The following USP34 variants were observed in gnomAD, a reference collection of about 807,000 sequenced individuals.
USP34 encodes the protein ubiquitin specific peptidase 34.
A neutral mutation model predicts 460.3 loss-of-function variants in USP34; 70 were observed. That is an observed-to-expected ratio of 0.15 (90% CI 0.13 to 0.19). The LOEUF (loss-of-function observed/expected upper bound fraction) is 0.19. Ranked by LOEUF, USP34 falls within the 10% of genes least tolerant of loss-of-function variation. The pLI is 1.00. For missense variants in USP34, 3,985 were observed against 4,236.2 expected (o/e 0.94, Z 1.65); for synonymous variants, 1,647 against 1,405.3 (o/e 1.17, Z -3.85).
At chr2:61,207,180 T>G (rs1687143547) in intron 70 of USP34, 1 of 213,226 alleles carries the variant, frequency 4.7e-6, no homozygotes, top group Admixed American at 5.8e-5. Flanking sequence ...TCTTCAAAAT[T>G]ACAAAGCAGT....
At chr2:61,304,835 T>A (rs573296379) in intron 27 of USP34, among the ~76,000 whole-genome samples, 25 of 152,306 alleles carry the variant, frequency 1.6e-4, no homozygotes, top group African/African-American at 5.8e-4. Context: ...CTTTCTATCT[T>A]TTACTACTTT....
At chr2:61,289,014 C>T (rs921814432) in intron 33 of USP34, 137 bp from the exon 34 acceptor site, 2 of 858,756 alleles carry the variant, frequency 2.3e-6, no homozygotes, top group African/African-American at 1.7e-5. Context: ...AATTCTGCTG[C>T]TCAAATATTA....
rs1284776897 is a variant in USP34, at chr2:61,432,924, A to G, written c.44-12091T>C. Among the ~76,000 whole-genome samples the G allele has an allele frequency of 3.3e-5, 5 of 152,216 alleles. No individual in the cohort carries two copies. In the East Asian group the frequency reaches 9.6e-4, roughly 29 times the overall value. On this transcript the variant is annotated intron_variant, in intron 1 of 79. Coordinates refer to ENST00000398571, the MANE Select transcript of USP34 (RefSeq NM_014709.4). ...AAACAAGGGTGAAAATAAGAGAACAATAAAACAGAAGATTAAGATATTAGT... is the reference window on the plus strand; with the variant it reads ...AAACAAGGGTGAAAATAAGAGAACAGTAAAACAGAAGATTAAGATATTAGT...
At chr2:61,249,022 G>T (rs1297749213) in intron 48 of USP34, among the ~76,000 whole-genome samples, 2 of 152,030 alleles carry the variant, frequency 1.3e-5, no homozygotes, top group South Asian at 2.1e-4. Context: ...CAACCTCATC[G>T]TATGTTTTCT....
intron 32 of USP34, 99 bp from the exon 33 acceptor site, chr2:61,293,649 T>C: frequency 1.3e-6 from 1 of 781,506 alleles, no homozygotes. Context: ...ATTACGTATC[T>C]TTTATTTACA....
intron 48 of USP34, among the ~76,000 whole-genome samples, chr2:61,249,146 G>A (rs1390244244): frequency 2.6e-5 from 4 of 152,156 alleles, no homozygotes; most frequent in Admixed American, 2.0e-4. Flanking sequence ...ACAGATTTTA[G>A]CAACCTCATC....
chr2:61,228,866 A>T lies in USP34; in HGVS notation c.7329T>A (p.Phe2443Leu), dbSNP rs1381505158. The T allele has an allele frequency of 1.2e-6, 2 of 1,604,620 alleles. No homozygotes were observed. Among genetic ancestry groups the T allele is most frequent in the Non-Finnish European group, 8.5e-7 (1 of 1,175,566 alleles). The change falls in exon 60 of 80, where the codon TTT becomes TTA. Residue 2443 changes from phenylalanine to leucine, a missense_variant. Around this residue, in one of 14 missense-constraint regions of USP34, gnomAD observed 604 missense variants for 684.8 expected, o/e 0.88. Transcript: ENST00000398571. ...KPHSKHLTEY[F>L]AFLYEFAKMG... ...TTTTTGCAAATTCGTAAAGGAAGGC[A>T]AAATACTCTGTAAGATGTTTACTGT...
At chr2:61,218,583 T>C (rs1007880755) in intron 67 of USP34, among the ~76,000 whole-genome samples, 6 of 151,784 alleles carry the variant, frequency 4.0e-5, no homozygotes, top group Non-Finnish European at 5.9e-5. Flanking sequence ...TCCTTTTTTT[T>C]CCTTCCAGGA....
At position 61,339,646 on chromosome 2, in the gene USP34, C is replaced by A. The variant is rs1423153145; in HGVS notation, c.2536G>T (p.Ala846Ser). The part of the protein sequence containing the change: ...VVHKHQFNSN[A>S]VTDINLDNVC... Reference sequence around the variant, plus strand: ...TTATCCAAATTAATGTCTGTAACAGCATTACTGTTGAATTGATGTTTATGA... The same window carrying A: ...TTATCCAAATTAATGTCTGTAACAGAATTACTGTTGAATTGATGTTTATGA... Residue 846 changes from alanine to serine, a missense_variant, in exon 17 of 80, where the codon GCT (alanine) becomes TCT (serine). Ala to Ser is a moderately conservative substitution (Grantham distance 99). Coordinates refer to ENST00000398571, the MANE Select transcript of USP34 (RefSeq NM_014709.4). 1 of 1,552,932 alleles carries A rather than the reference C, an allele frequency of 6.4e-7. No homozygotes were observed. The highest frequency in any genetic ancestry group is 8.6e-7 in the Non-Finnish European group (1 of 1,157,506).
In USP34 at chr2:61,394,875, G is replaced by A. The variant is rs748796993; in HGVS notation, c.731C>T (p.Ala244Val). The change falls in exon 5 of 80, where the codon GCG becomes GTG. Residue 244 changes from alanine to valine, a missense_variant. Transcript: ENST00000398571. ...PETLPFLIAHAFITVVSNIRI... is the reference protein window; with the variant it reads ...PETLPFLIAHVFITVVSNIRI... ...TACATTAGACACAACTGTAATAAAC[G>A]CATGTGCTATAAGAAATGGCAAAGT... 3 of 1,589,384 alleles carry A rather than the reference G, an allele frequency of 1.9e-6. No homozygotes were observed. Among genetic ancestry groups the A allele is most frequent in the South Asian group, 1.2e-5 (1 of 85,338 alleles).
Position 61,188,113 on chromosome 2 carries a change from C to T in USP34, c.10630G>A (p.Ala3544Thr), listed in dbSNP as rs750494102. The change falls in exon 80 of 80, where the codon GCT (alanine) becomes ACT (threonine). Residue 3544 changes from alanine to threonine, a missense_variant. Physicochemically the swap from Ala to Thr is moderately conservative, Grantham distance 58 (BLOSUM62 0). This residue lies in a region of USP34 where 506 missense variants were observed against 439.0 expected (regional missense o/e 1.15). Transcript: ENST00000398571. The part of the protein sequence containing the change: ...VTRISGKGNQ[A>T]AS ...TGCTACACCTAATGTCAAGAAGCAG[C>T]TTGGTTTCCTTTGCCAGATATCCTT... 3.7e-6 allele frequency: 6 copies of T among 1,612,270 alleles called. No individual in the cohort carries two copies. In the Admixed American group the frequency reaches 1.0e-4, roughly 27 times the overall value.
At chr2:61,463,835 A>C (rs1306600662) in intron 1 of USP34, among the ~76,000 whole-genome samples, 3 of 135,916 alleles carry the variant, frequency 2.2e-5, no homozygotes, top group Non-Finnish European at 4.6e-5. Context: ...ATTCCTTTTC[A>C]AAAAAAAAAA....
rs372151309 is a variant in USP34 at position 61,192,913 on chromosome 2, T to G, written c.9576A>C (p.Leu3192=). The change falls in exon 76 of 80, where the codon CTA becomes CTC. Residue 3192 remains leucine (L), a synonymous_variant. Coordinates refer to ENST00000398571, the MANE Select transcript of USP34 (RefSeq NM_014709.4). The part of the protein sequence containing the change: ...LALFPKLWTE[L]CQTQSAMSKN... ...TCATTTTCTTTACCTGAGTCTGGCA[T>G]AGCTCAGTCCAAAGTTTGGGGAACA... 123 of 1,613,692 alleles carry G rather than the reference T, an allele frequency of 7.6e-5. No individual in the cohort carries two copies. Among genetic ancestry groups the G allele is most frequent in the Middle Eastern group, 4.9e-4 (3 of 6,080 alleles).
At chr2:61,253,402 C>G (rs1427807234) in intron 48 of USP34, among the ~76,000 whole-genome samples, 1 of 152,170 alleles carries the variant, frequency 6.6e-6, no homozygotes, top group African/African-American at 2.4e-5. Flanking sequence ...TTGACTGACT[C>G]CATTTTATAT....
chr2:61,237,216 C>A (rs1346069045), intron 53 of USP34, among the ~76,000 whole-genome samples: 2 of 152,118 alleles, frequency 1.3e-5, no homozygotes, highest in Non-Finnish European at 2.9e-5. Flanking sequence ...TTCTATTAAG[C>A]TGTAGCCCCT....
In USP34 at chr2:61,211,544, G is replaced by GAAGGGTAGAA. The variant is rs1464016023; in HGVS notation, c.8840+227_8840+228insTTCTACCCTT. Among the ~76,000 whole-genome samples the GAAGGGTAGAA allele has an allele frequency of 2.0e-5, 3 of 152,294 alleles. No individual in the cohort carries two copies. The South Asian group carries it at 6.2e-4, about 32-fold the overall frequency. ...AAGACTATTCAAGCTTTGGGTAGAA[G>GAAGGGTAGAA]GCTATACATAAAGGTTCCCTTCAAC... On this transcript the variant is annotated intron_variant, in intron 69 of 79. Coordinates refer to ENST00000398571, the MANE Select transcript of USP34 (RefSeq NM_014709.4).
chr2:61,347,583 A>G (rs1691810185), intron 15 of USP34, among the ~76,000 whole-genome samples: 1 of 152,146 alleles, frequency 6.6e-6, no homozygotes, highest in South Asian at 2.1e-4. Flanking sequence ...CATGTTGTTC[A>G]GGCTGGTCTC....
At chr2:61,208,045 C>A (rs1473006240) in intron 70 of USP34, 1 of 152,308 alleles carries the variant, frequency 6.6e-6, no homozygotes, top group Non-Finnish European at 1.5e-5. Flanking sequence ...TTATAGGAAG[C>A]ATAAACAGCT....
intron 66 of USP34, among the ~76,000 whole-genome samples, chr2:61,220,725 T>C (rs1205547712): frequency 6.6e-6 from 1 of 152,212 alleles, no homozygotes; most frequent in East Asian, 1.9e-4. Context: ...CCATAACTTC[T>C]AGGTCTTGCT....
Sources: allele counts gnomAD v4.1 joint callset (sites outside exome capture counted in the v4.1 genomes callset), GRCh38; gene constraint gnomAD v4.1.1; regional missense constraint gnomAD v4.1.1; transcripts MANE v1.5; gene names NCBI Gene and HGNC (gene_info 2026-07-23, HGNC 2026-07-21).